SAMSN1: variants seen among roughly 807,000 people sequenced by gnomAD.
The protein encoded by SAMSN1 is SAM domain-containing protein SAMSN-1.
In SAMSN1, 31 loss-of-function variants were observed where a neutral mutation model predicts 42.0. That is an observed-to-expected ratio of 0.74 (90% confidence interval 0.55 to 1.00). The LOEUF (loss-of-function observed/expected upper bound fraction) is 1.00, where lower values mean the gene tolerates loss of function less well. SAMSN1 is among the 50% of genes least tolerant of loss of function. The pLI, the probability that SAMSN1 is intolerant of heterozygous loss-of-function variation, is 0.00. For missense variants in SAMSN1, 464 were observed against 439.4 expected, an observed-to-expected ratio of 1.06 and a Z score of -0.50; for synonymous variants, 178 against 151.9, an observed-to-expected ratio of 1.17 and a Z score of -1.26.
At chr21:14,534,597 G>A (rs1206958861) in intron 1 of SAMSN1, among the ~76,000 whole-genome samples, 1 of 151,444 alleles carries the variant, frequency 6.6e-6, no homozygotes, top group Non-Finnish European at 1.5e-5. Context: ...CTCACTGCAA[G>A]CTCCGCCTCC....
At chr21:14,575,512 C>T (rs1191685087) in intron 2 of SAMSN1, among the ~76,000 whole-genome samples, 2 of 152,142 alleles carry the variant, frequency 1.3e-5, no homozygotes, top group African/African-American at 4.8e-5. Flanking sequence ...AAACTTTTTA[C>T]CTTTCCATCC....
intron 1 of SAMSN1, among the ~76,000 whole-genome samples, chr21:14,545,919 G>GACC (rs1323951593): frequency 6.6e-6 from 1 of 152,104 alleles, no homozygotes; most frequent in Non-Finnish European, 1.5e-5. Flanking sequence ...AACACTCAGA[G>GACC]ACCACTAAAT....
chr21:14,514,269 C>T (rs1410784269), intron 3 of SAMSN1, among the ~76,000 whole-genome samples: 4 of 152,180 alleles, frequency 2.6e-5, no homozygotes, highest in Non-Finnish European at 4.4e-5. Flanking sequence ...TAAAGGCTTT[C>T]TCTTTAGCCT....
At chr21:14,552,350 C>T (rs1980626334) in intron 2 of SAMSN1, among the ~76,000 whole-genome samples, 1 of 151,986 alleles carries the variant, frequency 6.6e-6, no homozygotes, top group Non-Finnish European at 1.5e-5. Flanking sequence ...TTTGTGTGGT[C>T]CCAAAATTCA....
intron 2 of SAMSN1, among the ~76,000 whole-genome samples, chr21:14,642,268 G>T (rs1005466266): frequency 1.3e-5 from 2 of 152,176 alleles, no homozygotes; most frequent in African/African-American, 4.8e-5. Context: ...CTGTTAAACA[G>T]GGACAGGTAC....
At position 14,486,018 on chromosome 21, in the gene SAMSN1, C is replaced by G. The variant is rs752230607; in HGVS notation, c.1016G>C (p.Gly339Ala). Residue 339 changes from glycine to alanine, a missense_variant, in exon 8 of 8, where the codon GGT (glycine) becomes GCT (alanine). By Grantham distance (60) the Gly-to-Ala change is moderately conservative (BLOSUM62 0). Transcript: ENST00000400566. ...TGAATTTCCTGATGAGATATAGCAA[C>G]CAGAGTCCCTTGGGCAGTCATCTAA... ...SQLDDCPRDS[G>A]CYISSGNSDN... is the part of the protein sequence containing the mutation. The G allele has an allele frequency of 8.7e-6, 14 of 1,613,484 alleles. No individual in the cohort carries two copies. Among genetic ancestry groups the G allele is most frequent in the Non-Finnish European group, 1.1e-5 (13 of 1,179,612 alleles).
intron 2 of SAMSN1, chr21:14,619,730 T>C: frequency 3.8e-6 from 1 of 263,942 alleles, no homozygotes; most frequent in Non-Finnish European, 8.4e-6. Context: ...TTATTAAAAG[T>C]TTTATGTGGC....
At chr21:14,518,860 T>G (rs560627894) in intron 2 of SAMSN1, among the ~76,000 whole-genome samples, 5 of 152,304 alleles carry the variant, frequency 3.3e-5, no homozygotes, top group African/African-American at 1.2e-4. Flanking sequence ...AGAGTTAGCC[T>G]TTTTCTTCTC....
At chr21:14,600,618 A>G (rs1479956729) in intron 6 of SAMSN1, among the ~76,000 whole-genome samples, 1 of 152,182 alleles carries the variant, frequency 6.6e-6, no homozygotes, top group Non-Finnish European at 1.5e-5. Context: ...AGAACTTTCT[A>G]TGTTACTTTC....
intron 5 of SAMSN1, among the ~76,000 whole-genome samples, chr21:14,502,654 G>A (rs914559084): frequency 6.6e-6 from 1 of 152,156 alleles, no homozygotes; most frequent in Non-Finnish European, 1.5e-5. Flanking sequence ...GTCAAACTGT[G>A]TTGTGTTTAT....
chr21:14,519,569 C>T (rs1430655615), intron 2 of SAMSN1, among the ~76,000 whole-genome samples: 1 of 151,836 alleles, frequency 6.6e-6, no homozygotes, highest in African/African-American at 2.4e-5. Flanking sequence ...ACATTTATTA[C>T]TTACAATTAT....
intron 6 of SAMSN1, chr21:14,594,168 T>C (rs1194580247): frequency 1.6e-6 from 1 of 614,566 alleles, no homozygotes; most frequent in Non-Finnish European, 2.9e-6. Flanking sequence ...ACCAAACTAA[T>C]TGGGAAAGGA....
intron 1 of SAMSN1, among the ~76,000 whole-genome samples, chr21:14,528,509 G>A (rs914878846): frequency 6.6e-6 from 1 of 152,146 alleles, no homozygotes; most frequent in Non-Finnish European, 1.5e-5. Context: ...CTCCCCTGAG[G>A]ATCTGTTTTG....
At chr21:14,636,994 C>G (rs190363478) in intron 2 of SAMSN1, among the ~76,000 whole-genome samples, 18 of 152,272 alleles carry the variant, frequency 1.2e-4, no homozygotes, top group Admixed American at 1.2e-3. Flanking sequence ...AACATCTATA[C>G]TTCCCTAAGT....
intron 2 of SAMSN1, among the ~76,000 whole-genome samples, chr21:14,575,272 C>A (rs1411480487): frequency 1.3e-5 from 2 of 152,166 alleles, no homozygotes; most frequent in Non-Finnish European, 2.9e-5. Context: ...AAAATTTCAT[C>A]ATGTAAAATT....
At chr21:14,505,655 A>C (rs1036937716) in intron 5 of SAMSN1, among the ~76,000 whole-genome samples, 2 of 152,208 alleles carry the variant, frequency 1.3e-5, no homozygotes, top group African/African-American at 4.8e-5. Context: ...ATAGTGGGGA[A>C]CTTCAGTACT....
At chr21:14,629,678 C>G (rs919895369) in intron 2 of SAMSN1, among the ~76,000 whole-genome samples, 2 of 152,130 alleles carry the variant, frequency 1.3e-5, no homozygotes, top group Middle Eastern at 3.2e-3. Flanking sequence ...GGAGAATGCA[C>G]GGGGCCATAA....
At chr21:14,613,671 G>A (rs1982765844) in intron 3 of SAMSN1, among the ~76,000 whole-genome samples, 1 of 151,958 alleles carries the variant, frequency 6.6e-6, no homozygotes. Flanking sequence ...TTGGCACATA[G>A]CAAGCATTCC....
chr21:14,586,827 C>T (rs1408638049), upstream of SAMSN1, among the ~76,000 whole-genome samples: 2 of 152,154 alleles, frequency 1.3e-5, no homozygotes, highest in Non-Finnish European at 2.9e-5. Flanking sequence ...AATATTTCAC[C>T]TGAGACTTGC....
Sources: allele counts gnomAD v4.1 joint callset (sites outside exome capture counted in the v4.1 genomes callset), GRCh38; gene constraint gnomAD v4.1.1; transcripts MANE v1.5; gene names NCBI Gene and HGNC (gene_info 2026-07-23, HGNC 2026-07-21).